Variants in NEB observed in about 807,000 individuals in gnomAD.
NEB encodes nemaline myopathy type 2.
Under a neutral mutation model 952.2 loss-of-function variants are expected in NEB, and 512 were observed. The ratio of observed to expected loss-of-function variants is 0.54; its 90% CI spans 0.50 to 0.58. NEB has a LOEUF of 0.58. NEB is among the 20% of genes least tolerant of loss of function. The probability of loss-of-function intolerance (pLI) is 0.00; values close to 1 mark genes in which losing one functional copy is unlikely to be tolerated. For synonymous variants in NEB, 2,900 were observed against 3,149.8 expected (o/e 0.92, Z 2.66); for missense variants, 8,428 against 9,231.1 (o/e 0.91, Z 3.56).
chr2:151,515,694 T>C (rs2077364285), intron 157 of NEB, among the ~76,000 whole-genome samples: 1 of 152,206 alleles, frequency 6.6e-6, no homozygotes, highest in African/African-American at 2.4e-5. Context: ...GTTATTTTAA[T>C]AGAATTTTAA....
chr2:151,610,204 C>G (rs1463835901), intron 80 of NEB, 84 bp from the exon 81 acceptor site: 1 of 1,160,010 alleles, frequency 8.6e-7, no homozygotes, highest in Non-Finnish European at 1.2e-6. Context: ...ATGAAATGGA[C>G]AAGATTTTAT....
intron 13 of NEB, among the ~76,000 whole-genome samples, chr2:151,706,674 G>C (rs549867834): frequency 1.3e-5 from 2 of 152,218 alleles, no homozygotes; most frequent in Non-Finnish European, 2.9e-5. Flanking sequence ...CCTGCCCATT[G>C]AATTAACCCC....
chr2:151,703,892 G>A (rs1196849006), intron 13 of NEB, among the ~76,000 whole-genome samples: 9 of 120,140 alleles, frequency 7.5e-5, no homozygotes, highest in African/African-American at 9.6e-5. Flanking sequence ...GCTTTATTCC[G>A]TTGCTGGTGA....
chr2:151,545,857 T>C (rs772196773), intron 135 of NEB, 31 bp downstream of exon 135: 20 of 1,362,174 alleles, frequency 1.5e-5, no homozygotes, highest in Middle Eastern at 1.8e-4. Flanking sequence ...GTCAATTTGA[T>C]TGACTTCAAT....
chr2:151,728,003 A>G, intron 4 of NEB, 97 bp from the exon 5 acceptor site: 1 of 926,882 alleles, frequency 1.1e-6, no homozygotes, highest in Admixed American at 2.4e-5. Flanking sequence ...TCAGATATAC[A>G]TTCCTGGTGT....
chr2:151,547,639 T>G lies in NEB; in HGVS notation c.20257A>C (p.Ser6753Arg). 1 of 1,613,682 alleles carries G rather than the reference T, an allele frequency of 6.2e-7. No homozygotes were observed. The highest frequency in any genetic ancestry group is 1.1e-5 in the South Asian group (1 of 91,060). ...TTTCCTAAGAAAATACCCACCTCAC[T>G]GACAGCCTCTTGTGTCTTCTTGACT... ...RQVKKTQEAVSELIYKSDFFK... is the reference protein window; with the variant it reads ...RQVKKTQEAVRELIYKSDFFK... The change falls in exon 132 of 182, where the codon AGT becomes CGT. Residue 6753 changes from serine to arginine, a missense_variant. Coordinates refer to ENST00000397345, the MANE Select transcript of NEB (RefSeq NM_001164508.2).
chr2:151,492,528 G>A, intron 176 of NEB, 34 bp from the exon 177 acceptor site: 2 of 1,476,664 alleles, frequency 1.4e-6, no homozygotes, highest in Non-Finnish European at 1.9e-6. Context: ...GAGTGGTGCT[G>A]TCCTAAATCT....
At chr2:151,671,317 G>T in intron 37 of NEB, 88 bp from the exon 38 acceptor site, 1 of 1,049,678 alleles carries the variant, frequency 9.5e-7, no homozygotes, top group Non-Finnish European at 1.4e-6. Context: ...CAAGGGAAAT[G>T]AATAGCAACT....
At chr2:151,680,598 GA>G in intron 30 of NEB, 131 bp downstream of exon 30, 1 of 615,138 alleles carries the variant, frequency 1.6e-6, no homozygotes, top group Non-Finnish European at 2.8e-6. Flanking sequence ...AACAGCTGGG[GA>G]ATTCTACAGA....
At chr2:151,511,034 T>C (rs1018145177) in intron 161 of NEB, among the ~76,000 whole-genome samples, 7 of 152,198 alleles carry the variant, frequency 4.6e-5, no homozygotes, top group African/African-American at 1.7e-4. Context: ...ATTTTAGGCC[T>C]TGAGGAACCA....
In NEB at chr2:151,675,419, C is replaced by T. The variant is rs961827958; in HGVS notation, c.3775-28G>A. Reference sequence around the variant, plus strand: ...GCAATAAAATGCATTTCACATAGTGCAAAAAGGAAAATCTATTAATTGTTT... The same window carrying T: ...GCAATAAAATGCATTTCACATAGTGTAAAAAGGAAAATCTATTAATTGTTT... On this transcript the variant is annotated intron_variant, in intron 34 of 181. Transcript: ENST00000397345. 3 of 1,408,188 alleles carry T rather than the reference C, an allele frequency of 2.1e-6. No individual in the cohort carries two copies. In the African/African-American group the frequency reaches 4.3e-5, roughly 20 times the overall value. 87.2% of individuals were successfully genotyped at this position (1,408,188 alleles called of 1,614,324 possible). A position where few individuals can be genotyped will look rare whatever the true frequency, so the allele number is the denominator to read the frequency against.
At position 151,518,423 on chromosome 2, in the gene NEB, C is replaced by T. The variant is rs745511810; in HGVS notation, c.22696-1G>A. 6.9e-6 allele frequency: 11 copies of T among 1,587,834 alleles called. No individual in the cohort carries two copies. The highest frequency in any genetic ancestry group is 7.8e-6 in the Non-Finnish European group (9 of 1,158,188). Reference sequence around the variant, plus strand: ...TCTCATACTTCTTCTTGTACTGGTACTGAGGGGAAGGCGGCAAAAAAGGCA... The same window carrying T: ...TCTCATACTTCTTCTTGTACTGGTATTGAGGGGAAGGCGGCAAAAAAGGCA... On this transcript the variant is annotated splice_acceptor_variant, in intron 155 of 181. Transcript: ENST00000397345. LOFTEE classifies it high-confidence loss of function.
intron 115 of NEB, 32 bp from the exon 116 acceptor site, chr2:151,565,637 C>G: frequency 6.4e-7 from 1 of 1,566,024 alleles, no homozygotes; most frequent in South Asian, 1.1e-5. Flanking sequence ...TAAGACAGGT[C>G]TACCACCACA....
chr2:151,702,563 A>G (rs2099678628), intron 13 of NEB, among the ~76,000 whole-genome samples: 1 of 151,624 alleles, frequency 6.6e-6, no homozygotes, highest in Non-Finnish European at 1.5e-5. Context: ...TATTGGGTGC[A>G]TATATATTTA....
intron 105 of NEB, among the ~76,000 whole-genome samples, chr2:151,578,441 C>A (rs990730037): frequency 4.6e-5 from 7 of 151,506 alleles, no homozygotes; most frequent in Non-Finnish European, 8.8e-5. Flanking sequence ...AGGTGGATCA[C>A]CTGAGGTCAG....
chr2:151,638,094 G>A (rs2098796704), intron 63 of NEB, among the ~76,000 whole-genome samples: 1 of 152,188 alleles, frequency 6.6e-6, no homozygotes, highest in East Asian at 1.9e-4. Context: ...AGAAATTACA[G>A]AGATAAATGC....
intron 129 of NEB, among the ~76,000 whole-genome samples, chr2:151,550,480 CCAAA>C (rs1418374549): frequency 6.6e-6 from 1 of 152,050 alleles, no homozygotes; most frequent in East Asian, 1.9e-4. Context: ...CCTGCCCCTT[CCAAA>C]CACAGTGTGT....
chr2:151,574,436 G>A (rs2096759231), intron 107 of NEB, among the ~76,000 whole-genome samples: 1 of 152,154 alleles, frequency 6.6e-6, no homozygotes, highest in South Asian at 2.1e-4. Context: ...CCTTTGATTT[G>A]AGATTTATTT....
In NEB at chr2:151,677,923, C is replaced by T. The variant is rs756135837; in HGVS notation, c.3520G>A (p.Ala1174Thr). 5.0e-5 allele frequency: 81 copies of T among 1,613,492 alleles called. No individual in the cohort carries two copies. In the East Asian group the frequency reaches 7.1e-4, roughly 14 times the overall value. The change falls in exon 33 of 182, where the codon GCC becomes ACC. Residue 1174 changes from alanine (A) to threonine (T), a missense_variant. Coordinates refer to ENST00000397345, the MANE Select transcript of NEB (RefSeq NM_001164508.2). ...SLHHYTYLPD[A>T]MDLELSKNMM... ...TTCTTAGACAGCTCCAGGTCCATGG[C>T]GTCAGGCAAGTAGGTGTAATGATGG...
Sources: allele counts gnomAD v4.1 joint callset (sites outside exome capture counted in the v4.1 genomes callset), GRCh38; gene constraint gnomAD v4.1.1; transcripts MANE v1.5; gene names NCBI Gene and HGNC (gene_info 2026-07-23, HGNC 2026-07-21).